Variants in DYSF observed in about 807,000 individuals in gnomAD.
DYSF encodes the protein dystrophy-associated fer-1-like 1.
DYSF carries 212 observed loss-of-function variants against 274.9 expected under a neutral mutation model. That is an observed-to-expected ratio of 0.77 (90% confidence interval 0.69 to 0.86). The LOEUF (loss-of-function observed/expected upper bound fraction) is 0.86. Among genes scored for constraint, DYSF ranks in the 40% least tolerant of loss-of-function variants. DYSF has a pLI of 0.00. For missense variants in DYSF, 2,666 were observed against 2,783.2 expected, an observed-to-expected ratio of 0.96 and a Z score of 0.95; for synonymous variants, 1,091 against 1,078.7, an observed-to-expected ratio of 1.01 and a Z score of -0.22.
chr2:71,592,270 G>A (rs907790909), intron 32 of DYSF, among the ~76,000 whole-genome samples: 1 of 152,180 alleles, frequency 6.6e-6, no homozygotes, highest in African/African-American at 2.4e-5. Flanking sequence ...CTCTGGAGAC[G>A]GCATTGGTAG....
chr2:71,526,103 A>G lies in DYSF; in HGVS notation c.1150-117A>G, dbSNP rs1050506977. 3.2e-6 allele frequency: 5 copies of G among 1,579,694 alleles called. No homozygotes were observed. The African/African-American group carries it at 5.4e-5, about 17-fold the overall frequency. Reference sequence around the variant, plus strand: ...CACGCGGTAGTAAGTGTCGGAGCGCAGTCTGCCTTACTGCAGAATGCAGCA... The same window carrying G: ...CACGCGGTAGTAAGTGTCGGAGCGCGGTCTGCCTTACTGCAGAATGCAGCA... On this transcript the variant is annotated intron_variant, in intron 12 of 55. Transcript: ENST00000410020.
chr2:71,530,073 AAATG>A (rs2088493333), intron 14 of DYSF, among the ~76,000 whole-genome samples: 1 of 152,140 alleles, frequency 6.6e-6, no homozygotes, highest in Non-Finnish European at 1.5e-5. Flanking sequence ...GTGGAGGTGT[AAATG>A]CTTACTGCAG....
chr2:71,551,382 T>G (rs1208561761), intron 18 of DYSF, among the ~76,000 whole-genome samples: 1 of 152,202 alleles, frequency 6.6e-6, no homozygotes, highest in South Asian at 2.1e-4. Context: ...CTCTCTGTCT[T>G]TGTCTTTTAG....
rs1442808947 is a variant in DYSF, at chr2:71,539,251, C to T, written c.1576+12C>T. 2 of 1,611,698 alleles carry T rather than the reference C, an allele frequency of 1.2e-6. No individual in the cohort carries two copies. The highest frequency in any genetic ancestry group is 2.2e-5 in the East Asian group (1 of 44,874). On this transcript the variant is annotated intron_variant, in intron 17 of 55. Transcript: ENST00000410020. ...AGGAGAAATAGAAGGTATGTTCCCT[C>T]TTCGTTCTGCCCTTTGACCCCCTGT... is the stretch of plus-strand genomic sequence containing the variant.
At chr2:71,684,886 T>C (rs1198956857) in intron 55 of DYSF, among the ~76,000 whole-genome samples, 1 of 152,206 alleles carries the variant, frequency 6.6e-6, no homozygotes. Context: ...GCTCTGGCCT[T>C]CTGTGGCTGG....
chr2:71,545,227 G>C (rs1200142423), intron 17 of DYSF, among the ~76,000 whole-genome samples: 4 of 152,226 alleles, frequency 2.6e-5, no homozygotes, highest in Non-Finnish European at 5.9e-5. Context: ...TGGTTTGGCT[G>C]AGTTCTCTGA....
At chr2:71,613,014 C>A (rs190701814) in intron 39 of DYSF, among the ~76,000 whole-genome samples, 2 of 152,122 alleles carry the variant, frequency 1.3e-5, no homozygotes, top group East Asian at 3.9e-4. Flanking sequence ...GTGACTGATA[C>A]CCGTTGGAGC....
chr2:71,630,593 C>T (rs1449701101), intron 41 of DYSF, among the ~76,000 whole-genome samples: 3 of 152,200 alleles, frequency 2.0e-5, no homozygotes, highest in Non-Finnish European at 4.4e-5. Context: ...CTCCCTGGGG[C>T]ATGTGACCTT....
chr2:71,502,899 A>G (rs2085127254), intron 3 of DYSF, among the ~76,000 whole-genome samples: 1 of 152,146 alleles, frequency 6.6e-6, no homozygotes, highest in Non-Finnish European at 1.5e-5. Context: ...GCTCATGGGA[A>G]GACAACCCTT....
chr2:71,642,726 G>A (rs1222040131), intron 41 of DYSF, among the ~76,000 whole-genome samples: 1 of 152,190 alleles, frequency 6.6e-6, no homozygotes, highest in East Asian at 1.9e-4. Context: ...CAGGACGGGT[G>A]GAGACTCGAG....
At position 71,513,828 on chromosome 2, in the gene DYSF, T is replaced by C. The variant is rs35392229; in HGVS notation, c.666T>C (p.Pro222=). The change falls in exon 7 of 56, where the codon CCT becomes CCC. Residue 222 remains proline, a synonymous_variant. Coordinates refer to ENST00000410020, the MANE Select transcript of DYSF (RefSeq NM_001130987.2). The part of the protein sequence containing the change: ...PGAPTTPRKL[P]SRPPPHYPGI... ...CTCCCACCACCCCAAGGAAACTACC[T>C]TCACGTCCTCCGCCCCACTACCCCG... 0.038 allele frequency: 60,647 copies of C among 1,614,128 alleles called. 1,365 individuals carry two copies. Among genetic ancestry groups the C allele is most frequent in the Non-Finnish European group, 0.042 (49,301 of 1,179,996 alleles).
At chr2:71,490,101 AC>A (rs1370393565) in intron 3 of DYSF, among the ~76,000 whole-genome samples, 1 of 151,984 alleles carries the variant, frequency 6.6e-6, no homozygotes, top group African/African-American at 2.4e-5. Context: ...CCGTATGGAC[AC>A]CCGGCTGTAC....
chr2:71,542,997 G>T (rs1297455603), intron 17 of DYSF, among the ~76,000 whole-genome samples: 1 of 150,898 alleles, frequency 6.6e-6, no homozygotes, highest in Non-Finnish European at 1.5e-5. Flanking sequence ...GGCCGGACGG[G>T]GGCTGCCCCC....
intron 24 of DYSF, among the ~76,000 whole-genome samples, chr2:71,567,668 G>C (rs1009225579): frequency 6.6e-6 from 1 of 152,124 alleles, no homozygotes; most frequent in African/African-American, 2.4e-5. Context: ...GAGGTCCTGG[G>C]CTAGACATGG....
At chr2:71,525,099 G>A (rs1211204898) in intron 12 of DYSF, among the ~76,000 whole-genome samples, 1 of 152,196 alleles carries the variant, frequency 6.6e-6, no homozygotes, top group Non-Finnish European at 1.5e-5. Flanking sequence ...TCTGTTGCTA[G>A]TTGGAATCAT....
upstream of DYSF, among the ~76,000 whole-genome samples, chr2:71,463,419 C>T (rs1024135992): frequency 2.0e-4 from 30 of 152,172 alleles, no homozygotes; most frequent in African/African-American, 6.3e-4. Flanking sequence ...CGCAGCCAAA[C>T]GGCTGCAGCT....
At chr2:71,652,812 A>C (rs943400332) in intron 42 of DYSF, among the ~76,000 whole-genome samples, 1 of 152,376 alleles carries the variant, frequency 6.6e-6, no homozygotes, top group African/African-American at 2.4e-5. Flanking sequence ...AGAGCAGAGA[A>C]GAGATCACAA....
Position 71,679,207 on chromosome 2 carries a change from C to T in DYSF, c.6035C>T (p.Ala2012Val), listed in dbSNP as rs201784424. ...GTGAAGGGCTGGTGGCCCTGTGTAG[C>T]AGAAGAGGGTGAGAAGAAAATACTG... Reference protein sequence around the residue: ...KTVKGWWPCVAEEGEKKILAG... With the variant: ...KTVKGWWPCVVEEGEKKILAG... Residue 2012 changes from alanine to valine, a missense_variant, in exon 53 of 56, where the codon GCA becomes GTA. Ala to Val is a moderately conservative substitution (Grantham distance 64). This residue lies in a region of DYSF where 1,460 missense variants were observed against 1,502.1 expected (regional missense o/e 0.97). Transcript: ENST00000410020. 156 of 1,613,912 alleles carry T rather than the reference C, an allele frequency of 9.7e-5. No homozygotes were observed. The highest frequency in any genetic ancestry group is 1.3e-4 in the Non-Finnish European group (150 of 1,179,964).
chr2:71,611,540 T>G lies in DYSF; in HGVS notation c.4135T>G (p.Cys1379Gly). 2 of 1,613,434 alleles carry G rather than the reference T, an allele frequency of 1.2e-6. No homozygotes were observed. The highest frequency in any genetic ancestry group is 1.7e-6 in the Non-Finnish European group (2 of 1,179,838). ...CTCCTCCCCCAGCCTCGTGGTAGAG[T>G]GTGGGGGCCAGACGGTGCAGTCCTG... ...NISSPSLVVE[C>G]GGQTVQSCVI... Residue 1379 changes from cysteine to glycine, a missense_variant, in exon 38 of 56, where the codon TGT becomes GGT. This residue lies in a region of DYSF where 1,460 missense variants were observed against 1,502.1 expected (regional missense o/e 0.97). Coordinates refer to ENST00000410020, the MANE Select transcript of DYSF (RefSeq NM_001130987.2).
Sources: gnomAD v4.1 joint callset for allele counts (sites outside exome capture counted in the v4.1 genomes callset) on GRCh38, gnomAD v4.1.1 for gene constraint, gnomAD v4.1.1 regional missense constraint, MANE v1.5 for transcripts, NCBI Gene and HGNC (gene_info 2026-07-23, HGNC 2026-07-21) for gene names.